The following CLPX variants were observed in gnomAD, a reference collection of about 807,000 sequenced individuals.
The protein encoded by CLPX is caseinolytic mitochondrial matrix peptidase chaperone subunit X.
CLPX carries 34 observed loss-of-function variants against 76.4 expected under a neutral mutation model. The observed-to-expected ratio is 0.45, with a 90% CI of 0.34 to 0.59. The LOEUF (loss-of-function observed/expected upper bound fraction) is 0.59. Among genes scored for constraint, CLPX ranks in the 20% least tolerant of loss-of-function variants. CLPX has a pLI of 0.01. For missense variants in CLPX, 613 were observed against 757.0 expected (o/e 0.81, Z 2.23); for synonymous variants, 248 against 270.9 (o/e 0.92, Z 0.83).
chr15:65,154,041 A>G lies in CLPX; in HGVS notation c.1612-402T>C, dbSNP rs926012985. Among the ~76,000 whole-genome samples the G allele has an allele frequency of 5.9e-5, 9 of 152,334 alleles. No homozygotes were observed. The East Asian group carries it at 1.7e-3, about 29-fold the overall frequency. ...GAGCAGCAAAGGGGGAGACATCTAA[A>G]TAAGACTAGGGAACCACCGGAGGAT... On this transcript the variant is annotated intron_variant, in intron 11 of 13. Coordinates refer to ENST00000300107, the MANE Select transcript of CLPX (RefSeq NM_006660.5).
intron 3 of CLPX, among the ~76,000 whole-genome samples, chr15:65,178,401 A>T (rs1163549402): frequency 6.6e-6 from 1 of 152,230 alleles, no homozygotes; most frequent in African/African-American, 2.4e-5. Context: ...CTTACACAAC[A>T]GTGCAAAGTA....
intron 1 of CLPX, among the ~76,000 whole-genome samples, chr15:65,183,460 C>CAAAAAAAAAAAAAAA (rs61002905): frequency 1.1e-4 from 7 of 66,244 alleles, no homozygotes; most frequent in African/African-American, 3.1e-4. Context: ...GACTCTGTCT[C>CAAAAAAAAAAAAAAA]AAAAAAAAAA....
chr15:65,151,403 A>AAG (rs1192481099), intron 13 of CLPX, among the ~76,000 whole-genome samples: 1 of 149,778 alleles, frequency 6.7e-6, no homozygotes, highest in Non-Finnish European at 1.5e-5. Context: ...CTATACAACC[A>AAG]AGAGTTGCAA....
At chr15:65,171,138 C>T (rs1006134998) in intron 3 of CLPX, among the ~76,000 whole-genome samples, 2 of 151,850 alleles carry the variant, frequency 1.3e-5, no homozygotes, top group East Asian at 3.9e-4. Flanking sequence ...TGTTCTTAAA[C>T]ACAAGACTAA....
rs186031717 is a variant in CLPX at position 65,178,711 on chromosome 15, T to G, written c.358+223A>C. Among the ~76,000 whole-genome samples the G allele has an allele frequency of 1.5e-4, 23 of 151,912 alleles. 1 individual carries two copies. The East Asian group carries it at 4.4e-3, about 29-fold the overall frequency. On this transcript the variant is annotated intron_variant, in intron 3 of 13. Transcript: ENST00000300107. ...ACCACCATACCTGGCTTTTTTTTTT[T>G]TTTTGGAAAGACAGGTGTCTCAACA...
intron 5 of CLPX, 35 bp from the exon 6 acceptor site, chr15:65,162,680 T>C: frequency 2.3e-6 from 3 of 1,296,908 alleles, no homozygotes; most frequent in Non-Finnish European, 3.3e-6. Context: ...CATATTTGTT[T>C]ACCTTGGGGG....
At chr15:65,160,623 T>TCTCTCTCTCTCTCTCTCACA (rs1219208926) in intron 6 of CLPX, among the ~76,000 whole-genome samples, 4 of 100,970 alleles carry the variant, frequency 4.0e-5, no homozygotes, top group African/African-American at 1.5e-4. Context: ...TCTCTCTCTC[T>TCTCTCTCTCTCTCTCTCACA]CACACACACA....
chr15:65,164,758 AT>A (rs964327603), intron 4 of CLPX, among the ~76,000 whole-genome samples: 75 of 151,098 alleles, frequency 5.0e-4, no homozygotes, highest in Admixed American at 1.5e-3. Flanking sequence ...CTGTATTCTT[AT>A]TTTTTTTTAT....
At chr15:65,172,888 G>A (rs993938481) in intron 3 of CLPX, among the ~76,000 whole-genome samples, 5 of 151,706 alleles carry the variant, frequency 3.3e-5, no homozygotes, top group Non-Finnish European at 5.9e-5. Context: ...GGTGGCATTT[G>A]CCTGTAGTCT....
chr15:65,174,171 C>T (rs1286960709), intron 3 of CLPX, among the ~76,000 whole-genome samples: 5 of 152,230 alleles, frequency 3.3e-5, no homozygotes, highest in East Asian at 1.9e-4. Flanking sequence ...GACGGGGTTT[C>T]ACCGTGTTAG....
rs766982470 is a variant in CLPX, at chr15:65,158,798, T to C, written c.716-47A>G. On this transcript the variant is annotated intron_variant, in intron 6 of 13. Coordinates refer to ENST00000300107, the MANE Select transcript of CLPX (RefSeq NM_006660.5). Reference sequence around the variant, plus strand: ...TTACTTGAGCTTCATTTGAATTTACTTGAAGAAAATGTCCCATAAAAACTT... The same window carrying C: ...TTACTTGAGCTTCATTTGAATTTACCTGAAGAAAATGTCCCATAAAAACTT... 87 of 1,462,750 alleles carry C rather than the reference T, an allele frequency of 5.9e-5. 2 individuals are homozygous for C. In the South Asian group the frequency reaches 1.1e-3, roughly 18 times the overall value. The allele number at this position is 1,462,750 out of a possible 1,614,324, so 90.6% of individuals were successfully genotyped here.
chr15:65,185,023 T>TCCCC (rs1466341438), intron 1 of CLPX, 52 bp downstream of exon 1: 2 of 1,445,894 alleles, frequency 1.4e-6, no homozygotes, highest in African/African-American at 1.4e-5. Flanking sequence ...CATTGGCCAG[T>TCCCC]CCACCCCCCC....
At chr15:65,163,507 A>T (rs1254353999) in intron 5 of CLPX, among the ~76,000 whole-genome samples, 1 of 152,222 alleles carries the variant, frequency 6.6e-6, no homozygotes, top group African/African-American at 2.4e-5. Context: ...TCTGGCCAAC[A>T]AAACAAAAAA....
chr15:65,185,051 TCA>T (rs1238158020), intron 1 of CLPX, 22 bp downstream of exon 1: 1 of 1,363,166 alleles, frequency 7.3e-7, no homozygotes, highest in East Asian at 3.0e-5. Context: ...GGCTGAGGGC[TCA>T]GGAGTGGCAC....
At chr15:65,172,616 G>A (rs1456382285) in intron 3 of CLPX, among the ~76,000 whole-genome samples, 1 of 152,092 alleles carries the variant, frequency 6.6e-6, no homozygotes, top group Admixed American at 6.6e-5. Context: ...TGGGCAATAA[G>A]AGCGAAACTC....
In CLPX at chr15:65,185,341, G is replaced by A; in HGVS notation, c.-188C>T. ...GCCCCACAGCCGTCTATTCACCAGA[G>A]TAGACACCCAACCCCCCCCTCCCTT... On this transcript the variant is annotated 5_prime_UTR_variant, in exon 1 of 14. Coordinates refer to ENST00000300107, the MANE Select transcript of CLPX (RefSeq NM_006660.5). The A allele has an allele frequency of 1.8e-6, 1 of 546,934 alleles. No homozygotes were observed. 33.9% of individuals were successfully genotyped at this position (546,934 alleles called of 1,614,324 possible).
chr15:65,178,392 T>G (rs1843390161), intron 3 of CLPX, among the ~76,000 whole-genome samples: 1 of 152,180 alleles, frequency 6.6e-6, no homozygotes, highest in Non-Finnish European at 1.5e-5. Flanking sequence ...AAATTATCTC[T>G]TACACAACAG....
At chr15:65,167,033 T>C (rs1013749821) in intron 3 of CLPX, among the ~76,000 whole-genome samples, 1 of 152,236 alleles carries the variant, frequency 6.6e-6, no homozygotes, top group Non-Finnish European at 1.5e-5. Flanking sequence ...AAAGAAAAGA[T>C]TGCGTGAAAT....
At chr15:65,160,592 T>TTCTC (rs1226717522) in intron 6 of CLPX, among the ~76,000 whole-genome samples, 2,294 of 118,302 alleles carry the variant, frequency 0.019, 43 homozygotes, top group African/African-American at 0.046. Context: ...CATTCACTCA[T>TTCTC]TCTCTCTCTC....
Sources: gnomAD v4.1 joint callset for allele counts (sites outside exome capture counted in the v4.1 genomes callset) on GRCh38, gnomAD v4.1.1 for gene constraint, MANE v1.5 for transcripts, NCBI Gene and HGNC (gene_info 2026-07-23, HGNC 2026-07-21) for gene names.